Variants in SEMA4D observed in about 807,000 individuals in gnomAD.
SEMA4D encodes semaphorin 4D.
Under a neutral mutation model 74.8 loss-of-function variants are expected in SEMA4D, and 22 were observed. The observed-to-expected ratio is 0.29, with a 90% CI of 0.21 to 0.42. The LOEUF (loss-of-function observed/expected upper bound fraction) is 0.42, where lower values mean the gene tolerates loss of function less well. Ranked by LOEUF, SEMA4D falls within the 10% of genes least tolerant of loss-of-function variation. The pLI is 1.00. For missense variants in SEMA4D, 937 were observed against 1,118.4 expected, an observed-to-expected ratio of 0.84 and a Z score of 2.31; for synonymous variants, 445 against 463.7, an observed-to-expected ratio of 0.96 and a Z score of 0.52.
At chr9:89,426,642 T>C (rs1480294070) in intron 2 of SEMA4D, among the ~76,000 whole-genome samples, 1 of 152,112 alleles carries the variant, frequency 6.6e-6, no homozygotes, top group Non-Finnish European at 1.5e-5. Flanking sequence ...AAATGCTGTC[T>C]TACCGTCGTG....
chr9:89,444,061 C>T (rs117337092), intron 2 of SEMA4D, among the ~76,000 whole-genome samples: 42 of 152,340 alleles, frequency 2.8e-4, no homozygotes, highest in Non-Finnish European at 4.3e-4. Context: ...GTCCCTGACA[C>T]GAAGGGTTCT....
chr9:89,471,583 G>GCTCAGGTGCACGCCA (rs1564912335), intron 1 of SEMA4D, among the ~76,000 whole-genome samples: 1 of 136,772 alleles, frequency 7.3e-6, no homozygotes. Context: ...GGTGCATGCC[G>GCTCAGGTGCACGCCA]GCTCAGATGC....
intron 15 of SEMA4D, 138 bp from the exon 16 acceptor site, chr9:89,379,767 T>A: frequency 9.3e-7 from 1 of 1,070,188 alleles, no homozygotes; most frequent in Non-Finnish European, 1.3e-6. Flanking sequence ...ACTAAGGAGA[T>A]AAAGACATGC....
At chr9:89,416,298 C>T (rs189936782) in intron 2 of SEMA4D, among the ~76,000 whole-genome samples, 5 of 152,308 alleles carry the variant, frequency 3.3e-5, no homozygotes, top group East Asian at 1.9e-4. Context: ...GGGAAGACCA[C>T]CCTGCCATGA....
intron 1 of SEMA4D, among the ~76,000 whole-genome samples, chr9:89,481,911 A>G (rs1195219745): frequency 6.6e-6 from 1 of 152,262 alleles, no homozygotes; most frequent in Non-Finnish European, 1.5e-5. Flanking sequence ...TAAATTCTGC[A>G]AATATCTCAC....
chr9:89,376,738 C>CATGTGGAGGG (rs531540208), downstream of SEMA4D: 3,607 of 1,456,538 alleles, frequency 2.5e-3, 7 homozygotes, highest in Non-Finnish European at 3.1e-3. Flanking sequence ...GGTAAAGGAA[C>CATGTGGAGGG]ATGTGGAGGG....
At chr9:89,447,751 T>TA (rs1197466505) in intron 2 of SEMA4D, among the ~76,000 whole-genome samples, 4 of 62,870 alleles carry the variant, frequency 6.4e-5, no homozygotes, top group Non-Finnish European at 1.2e-4. Context: ...CTCCTACCCC[T>TA]ACCCTTCCTG....
Position 89,419,033 on chromosome 9 carries a change from G to A in SEMA4D, c.-243-13334C>T, listed in dbSNP as rs1210522733. On this transcript the variant is annotated intron_variant, in intron 2 of 15. Transcript: ENST00000422704. ...CTGGACGGCTCCCTCCTCTACAGAC[G>A]CCCTGTACACCCCTCCCCAGGAAGC... 3.8e-5 allele frequency among the ~76,000 whole-genome samples: 5 copies of A among 131,776 alleles called. No homozygotes were observed. In the South Asian group the frequency reaches 8.3e-4, roughly 22 times the overall value. The allele number at this position is 131,776 out of a possible 152,430, so 86.5% of individuals were successfully genotyped here. A position where few individuals can be genotyped will look rare whatever the true frequency, so the allele number is the denominator to read the frequency against.
chr9:89,460,447 T>TA (rs1408607326), intron 1 of SEMA4D, among the ~76,000 whole-genome samples: 3 of 152,220 alleles, frequency 2.0e-5, no homozygotes, highest in Admixed American at 2.0e-4. Context: ...GAAAGCCTCT[T>TA]CTTACTAAGT....
Position 89,378,887 on chromosome 9 carries a change from C to T in SEMA4D, c.2406G>A (p.Gln802=). 1 of 1,614,214 alleles carries T rather than the reference C, an allele frequency of 6.2e-7. No homozygotes were observed. Among genetic ancestry groups the T allele is most frequent in the Middle Eastern group, 1.6e-4 (1 of 6,062 alleles). ...GGGCTGGCTTGGGGTGCTCCCCATT[C>T]TGCTGGGAGAAGCTCCCTGGCTCTA... ...TLVEPGSFSQ[Q]NGEHPKPALD... is the part of the protein sequence containing the mutation. Residue 802 remains glutamine (Q), a synonymous_variant, in exon 16 of 16, where the codon CAG becomes CAA. Transcript: ENST00000422704.
chr9:89,393,721 T>C (rs973041117), intron 6 of SEMA4D, 66 bp from the exon 7 acceptor site: 2 of 1,242,472 alleles, frequency 1.6e-6, no homozygotes, highest in Non-Finnish European at 2.4e-6. Context: ...AATGTGTCTC[T>C]GTACCACTTC....
intron 6 of SEMA4D, among the ~76,000 whole-genome samples, chr9:89,395,615 A>G (rs985022950): frequency 4.6e-5 from 7 of 152,168 alleles, no homozygotes; most frequent in Non-Finnish European, 1.0e-4. Flanking sequence ...TTTCTGCACA[A>G]AAGTAAATAC....
chr9:89,448,005 T>A (rs931740490), intron 2 of SEMA4D, among the ~76,000 whole-genome samples: 35 of 152,224 alleles, frequency 2.3e-4, no homozygotes, highest in African/African-American at 8.2e-4. Flanking sequence ...ATGTATTTAT[T>A]TGCATAGGGT....
chr9:89,450,616 AGCTAAAGAC>A (rs1854144963), intron 2 of SEMA4D: 3 of 787,254 alleles, frequency 3.8e-6, no homozygotes, highest in Non-Finnish European at 4.2e-6. Context: ...CAGGATGCAG[AGCTAAAGAC>A]CCTCCTCCAG....
At chr9:89,408,141 G>A (rs1472929588) in intron 2 of SEMA4D, among the ~76,000 whole-genome samples, 3 of 152,222 alleles carry the variant, frequency 2.0e-5, no homozygotes, top group Non-Finnish European at 4.4e-5. Flanking sequence ...ACAAAGTTGT[G>A]AGAATTATCT....
At chr9:89,410,722 G>A (rs1052084809) in intron 2 of SEMA4D, among the ~76,000 whole-genome samples, 1 of 152,094 alleles carries the variant, frequency 6.6e-6, no homozygotes, top group Non-Finnish European at 1.5e-5. Flanking sequence ...GAATAACAGC[G>A]CCCAGGAGCA....
chr9:89,466,593 C>T (rs1175290337), intron 1 of SEMA4D, among the ~76,000 whole-genome samples: 1 of 152,000 alleles, frequency 6.6e-6, no homozygotes, highest in Non-Finnish European at 1.5e-5. Context: ...CCCCCGTGTG[C>T]ACAAGGTCAT....
At chr9:89,495,786 C>T (rs1052365952) in intron 1 of SEMA4D, among the ~76,000 whole-genome samples, 27 of 152,160 alleles carry the variant, frequency 1.8e-4, no homozygotes, top group African/African-American at 6.5e-4. Context: ...TGCAACCACC[C>T]TCCTGGACCC....
At chr9:89,460,935 C>G (rs1178916774) in intron 1 of SEMA4D, among the ~76,000 whole-genome samples, 1 of 152,178 alleles carries the variant, frequency 6.6e-6, no homozygotes, top group Non-Finnish European at 1.5e-5. Flanking sequence ...AGAAGGCGAC[C>G]TGCTGTTCCC....
Sources: gnomAD v4.1 joint callset for allele counts (sites outside exome capture counted in the v4.1 genomes callset) on GRCh38, gnomAD v4.1.1 for gene constraint, MANE v1.5 for transcripts, NCBI Gene and HGNC (gene_info 2026-07-23, HGNC 2026-07-21) for gene names.